The following FTCDNL1 variants were observed in gnomAD, a reference collection of about 807,000 sequenced individuals.
The protein encoded by FTCDNL1 is formiminotransferase cyclodeaminase N-terminal like.
Under a neutral mutation model 5.9 loss-of-function variants are expected in FTCDNL1, and 11 were observed. The observed-to-expected ratio is 1.87, with a 90% CI of 1.18 to 3.10. The LOEUF is 3.10. Ranked by LOEUF, FTCDNL1 falls within the 30% of genes most tolerant of loss-of-function variation. The pLI, the probability that FTCDNL1 is intolerant of heterozygous loss-of-function variation, is 0.00. For missense variants in FTCDNL1, 115 were observed against 65.5 expected (o/e 1.76, Z -2.61); for synonymous variants, 58 against 24.8 (o/e 2.34, Z -3.99).
At position 199,850,766 on chromosome 2, in the gene FTCDNL1, G is replaced by C. The variant is rs924556687; in HGVS notation, c.-34C>G. 6.6e-6 allele frequency: 1 copy of C among 152,334 alleles called. No individual in the cohort carries two copies. The highest frequency in any genetic ancestry group is 2.4e-5 in the African/African-American group (1 of 41,460). The allele number at this position is 152,334 out of a possible 1,614,324, so 9.4% of individuals were successfully genotyped here. A position where few individuals can be genotyped will look rare whatever the true frequency, so the allele number is the denominator to read the frequency against. Reference sequence around the variant, plus strand: ...TGCCCCCTGCGCACGCACCCCACCGGCACTTGGAGGCCGCAAGGACGCTCG... The same window carrying C: ...TGCCCCCTGCGCACGCACCCCACCGCCACTTGGAGGCCGCAAGGACGCTCG... On this transcript the variant is annotated 5_prime_UTR_variant, in exon 1 of 5. Transcript: ENST00000420128.
Position 199,851,186 on chromosome 2 carries a change from C to T in FTCDNL1, c.-454G>A, listed in dbSNP as rs1397487762. 1.3e-5 allele frequency: 2 copies of T among 149,658 alleles called. No homozygotes were observed. Among genetic ancestry groups the T allele is most frequent in the Non-Finnish European group, 3.0e-5 (2 of 67,228 alleles). 9.3% of individuals were successfully genotyped at this position (149,658 alleles called of 1,614,324 possible). On this transcript the variant is annotated 5_prime_UTR_variant, in exon 1 of 5. Coordinates refer to ENST00000420128, the MANE Select transcript of FTCDNL1 (RefSeq NM_001363886.2). ...GTGGCCCGCGCGCAGCGTCTGCCGC[C>T]GGCTCCGCCTCCCGGACGCCCGGAG... is the stretch of plus-strand genomic sequence containing the variant.
the FTCDNL1 span, among the ~76,000 whole-genome samples, chr2:199,683,298 G>A: frequency 2.0e-4 from 30 of 152,150 alleles, no homozygotes; most frequent in Admixed American, 7.2e-4. Flanking sequence ...CCAAAATAAA[G>A]AGCAGAGAGG....
intron 4 of FTCDNL1, among the ~76,000 whole-genome samples, chr2:199,816,534 A>T (rs1403033943): frequency 6.6e-6 from 1 of 152,234 alleles, no homozygotes; most frequent in Non-Finnish European, 1.5e-5. Flanking sequence ...AGCTTTAAGA[A>T]TATAAAAATG....
chr2:199,781,270 G>A (rs530791365), intron 3 of FTCDNL1, among the ~76,000 whole-genome samples: 21 of 152,270 alleles, frequency 1.4e-4, no homozygotes, highest in South Asian at 4.1e-4. Context: ...ATTCTCAAGC[G>A]TGGAATATGC....
chr2:199,750,842 T>C, the FTCDNL1 span, among the ~76,000 whole-genome samples: 1 of 152,244 alleles, frequency 6.6e-6, no homozygotes, highest in Admixed American at 6.5e-5. Context: ...TTGAAGGAGA[T>C]GAAAAACATA....
intron 3 of FTCDNL1, among the ~76,000 whole-genome samples, chr2:199,802,963 C>T (rs756698642): frequency 6.6e-6 from 1 of 151,838 alleles, no homozygotes; most frequent in Non-Finnish European, 1.5e-5. Context: ...GTAGGAAGAT[C>T]ATTTGAGCTC....
At chr2:199,850,367 A>C (rs2076843969) in intron 1 of FTCDNL1, among the ~76,000 whole-genome samples, 1 of 152,194 alleles carries the variant, frequency 6.6e-6, no homozygotes, top group Non-Finnish European at 1.5e-5. Context: ...CACTTTCCCA[A>C]CATAATTATG....
chr2:199,826,894 T>C (rs1221437104), intron 3 of FTCDNL1, among the ~76,000 whole-genome samples: 4 of 152,118 alleles, frequency 2.6e-5, no homozygotes, highest in Admixed American at 2.6e-4. Flanking sequence ...AAAATTTTAA[T>C]AGAAAAAAAT....
chr2:199,786,183 G>C (rs1048986297), intron 3 of FTCDNL1, among the ~76,000 whole-genome samples: 1 of 151,900 alleles, frequency 6.6e-6, no homozygotes, highest in African/African-American at 2.4e-5. Context: ...AAACAACTTT[G>C]TGTTCACCCT....
chr2:199,723,398 T>C, the FTCDNL1 span, among the ~76,000 whole-genome samples: 1 of 152,122 alleles, frequency 6.6e-6, no homozygotes, highest in African/African-American at 2.4e-5. Context: ...CTAATTGCCC[T>C]GGCCAGAACT....
chr2:199,778,414 A>G (rs908078852), intron 3 of FTCDNL1, among the ~76,000 whole-genome samples: 1 of 152,210 alleles, frequency 6.6e-6, no homozygotes, highest in South Asian at 2.1e-4. Flanking sequence ...GAAGTCATCT[A>G]TTTTGCAGAG....
intron 3 of FTCDNL1, among the ~76,000 whole-genome samples, chr2:199,836,618 T>C (rs1238960315): frequency 6.6e-6 from 1 of 152,088 alleles, no homozygotes; most frequent in Non-Finnish European, 1.5e-5. Flanking sequence ...AATACAAAAA[T>C]TAACCAGGCA....
chr2:199,680,518 G>A, the FTCDNL1 span, among the ~76,000 whole-genome samples: 2 of 152,176 alleles, frequency 1.3e-5, no homozygotes, highest in Admixed American at 6.5e-5. Flanking sequence ...ATTAGATTTA[G>A]GAGCTCTGAC....
chr2:199,825,834 G>T (rs1343456655), intron 3 of FTCDNL1, among the ~76,000 whole-genome samples: 1 of 152,146 alleles, frequency 6.6e-6, no homozygotes, highest in Non-Finnish European at 1.5e-5. Context: ...TCATAGCAAT[G>T]CAAATGGACT....
the FTCDNL1 span, among the ~76,000 whole-genome samples, chr2:199,716,991 G>GT: frequency 3.3e-5 from 5 of 152,120 alleles, no homozygotes; most frequent in Non-Finnish European, 5.9e-5. Flanking sequence ...GTTTCTCGGA[G>GT]TGTTAGGTGT....
intron 3 of FTCDNL1, among the ~76,000 whole-genome samples, chr2:199,773,822 C>T (rs1020798866): frequency 2.0e-5 from 3 of 152,186 alleles, no homozygotes; most frequent in Non-Finnish European, 4.4e-5. Context: ...CATCTCGCTT[C>T]TGATATTAAG....
chr2:199,695,566 G>A, the FTCDNL1 span, among the ~76,000 whole-genome samples: 1 of 151,444 alleles, frequency 6.6e-6, no homozygotes, highest in Admixed American at 6.6e-5. Flanking sequence ...AGGAAGCTGG[G>A]AACCCTGCAT....
At chr2:199,836,197 C>T (rs913111347) in intron 3 of FTCDNL1, among the ~76,000 whole-genome samples, 80 of 152,278 alleles carry the variant, frequency 5.3e-4, no homozygotes, top group African/African-American at 1.9e-3. Flanking sequence ...TAGGGTCTCG[C>T]TCTGTTGCCC....
the FTCDNL1 span, among the ~76,000 whole-genome samples, chr2:199,675,877 A>G: frequency 1.3e-5 from 2 of 152,174 alleles, no homozygotes; most frequent in African/African-American, 4.8e-5. Context: ...TAGCCTCCCA[A>G]GTAGCTGTGT....
Sources: gnomAD v4.1 joint callset for allele counts (sites outside exome capture counted in the v4.1 genomes callset) on GRCh38, gnomAD v4.1.1 for gene constraint, MANE v1.5 for transcripts, NCBI Gene and HGNC (gene_info 2026-07-23, HGNC 2026-07-21) for gene names.